The following CERT1 variants were observed in gnomAD, a reference collection of about 807,000 sequenced individuals.
CERT1 encodes the protein ceramide transporter 1.
A neutral mutation model predicts 87.9 loss-of-function variants in CERT1; 31 were observed. That is an observed-to-expected ratio of 0.35 (90% CI 0.27 to 0.48). CERT1 has a LOEUF of 0.48. CERT1 is among the 20% of genes least tolerant of loss of function. CERT1 has a pLI of 0.99. For synonymous variants in CERT1, 289 were observed against 250.9 expected (o/e 1.15, Z -1.44); for missense variants, 487 against 758.0 (o/e 0.64, Z 4.20).
chr5:75,496,778 T>C (rs1035761185), intron 2 of CERT1, among the ~76,000 whole-genome samples: 3 of 152,094 alleles, frequency 2.0e-5, no homozygotes, highest in Non-Finnish European at 4.4e-5. Flanking sequence ...TTACCAGAGG[T>C]TGGGGACACA....
intron 2 of CERT1, among the ~76,000 whole-genome samples, chr5:75,494,846 C>T (rs1057358520): frequency 6.6e-6 from 1 of 152,126 alleles, no homozygotes; most frequent in African/African-American, 2.4e-5. Context: ...GTTTTTAGCC[C>T]CATTTCTTTT....
intron 5 of CERT1, among the ~76,000 whole-genome samples, chr5:75,419,758 T>C (rs916530861): frequency 6.6e-6 from 1 of 152,150 alleles, no homozygotes; most frequent in African/African-American, 2.4e-5. Flanking sequence ...GCCACCCAAA[T>C]ATGTGGAATG....
intron 2 of CERT1, among the ~76,000 whole-genome samples, chr5:75,504,027 T>C (rs1561309929): frequency 6.7e-6 from 1 of 148,346 alleles, no homozygotes; most frequent in Non-Finnish European, 1.5e-5. Context: ...GGAATACTAC[T>C]ACTTAGAGAA....
chr5:75,378,440 T>TA lies in CERT1; in HGVS notation c.*905dup, dbSNP rs1165852209. The TA allele has an allele frequency of 2.0e-5, 3 of 152,136 alleles. No individual in the cohort carries two copies. Among genetic ancestry groups the TA allele is most frequent in the Non-Finnish European group, 2.9e-5 (2 of 68,040 alleles). 9.4% of individuals were successfully genotyped at this position (152,136 alleles called of 1,614,324 possible). On this transcript the variant is annotated 3_prime_UTR_variant, in exon 17 of 17. Transcript: ENST00000643780. ...TGTCTCAACAACACCAAAATAAAGT[T>TA]AAAGATTCTACCTCTTTGCATAAAG...
chr5:75,473,179 G>A (rs1683956635), intron 2 of CERT1, among the ~76,000 whole-genome samples: 1 of 152,094 alleles, frequency 6.6e-6, no homozygotes, highest in Non-Finnish European at 1.5e-5. Flanking sequence ...CTCTTGGGGT[G>A]AAGTGATCCT....
chr5:75,511,173 G>C lies in CERT1; in HGVS notation c.35C>G (p.Ser12Trp), dbSNP rs757060636. 1 of 1,612,400 alleles carries C rather than the reference G, an allele frequency of 6.2e-7. No homozygotes were observed. The highest frequency in any genetic ancestry group is 8.5e-7 in the Non-Finnish European group (1 of 1,179,528). ...SDNQSWNSSGSEEDPETESGP... is the reference protein window; with the variant it reads ...SDNQSWNSSGWEEDPETESGP... ...AGACTCCGTCTCTGGATCCTCCTCC[G>C]AGCCCGACGAGTTCCAGCTCTGATT... The change falls in exon 1 of 17, where the codon TCG becomes TGG. Residue 12 changes from serine to tryptophan, a missense_variant. Coordinates refer to ENST00000643780, the MANE Select transcript of CERT1 (RefSeq NM_001379029.1).
chr5:75,490,530 G>A (rs564834871), intron 2 of CERT1, among the ~76,000 whole-genome samples: 7 of 151,116 alleles, frequency 4.6e-5, no homozygotes, highest in East Asian at 2.0e-4. Flanking sequence ...ACAGAGTCTC[G>A]CTGTGTCGCC....
At chr5:75,425,831 G>A (rs948919207) in intron 4 of CERT1, among the ~76,000 whole-genome samples, 1 of 152,190 alleles carries the variant, frequency 6.6e-6, no homozygotes, top group African/African-American at 2.4e-5. Flanking sequence ...AAATTGTGTG[G>A]AACAACTGTG....
chr5:75,446,145 GGTCT>G (rs1764524351), intron 3 of CERT1, among the ~76,000 whole-genome samples: 1 of 152,086 alleles, frequency 6.6e-6, no homozygotes, highest in South Asian at 2.1e-4. Flanking sequence ...TGTATAGGGA[GGTCT>G]GTCAGATGTG....
chr5:75,373,803 C>A, downstream of CERT1: 1 of 304,956 alleles, frequency 3.3e-6, no homozygotes, highest in Non-Finnish European at 5.9e-6. Flanking sequence ...TTCTTTTGTG[C>A]ACAAAACCTG....
intron 8 of CERT1, chr5:75,410,748 C>A: frequency 1.4e-5 from 3 of 220,338 alleles, no homozygotes; most frequent in East Asian, 1.8e-4. Flanking sequence ...ATCATCTTTA[C>A]AGGGGAGATA....
At position 75,402,960 on chromosome 5, in the gene CERT1, T is replaced by G; in HGVS notation, c.1017+12A>C. On this transcript the variant is annotated intron_variant, in intron 9 of 16. Transcript: ENST00000643780. ...ATAAATTTCAGCTTAGAATTTTCAA[T>G]AATAGATATACCTGTTCTTCTATTT... 1 of 1,536,704 alleles carries G rather than the reference T, an allele frequency of 6.5e-7. No individual in the cohort carries two copies. The highest frequency in any genetic ancestry group is 2.3e-5 in the East Asian group (1 of 44,418).
chr5:75,412,855 A>G (rs1762986701), intron 7 of CERT1, among the ~76,000 whole-genome samples: 1 of 152,212 alleles, frequency 6.6e-6, no homozygotes, highest in Non-Finnish European at 1.5e-5. Flanking sequence ...ACTGCACACC[A>G]CTGTAAACTT....
At chr5:75,449,112 A>G (rs541991528) in intron 3 of CERT1, among the ~76,000 whole-genome samples, 1 of 152,318 alleles carries the variant, frequency 6.6e-6, no homozygotes, top group African/African-American at 2.4e-5. Flanking sequence ...AATAATTAAC[A>G]AATTCATAGT....
rs567270590 is a variant in CERT1 at position 75,410,384 on chromosome 5, C to T, written c.930+627G>A. Among the ~76,000 whole-genome samples the T allele has an allele frequency of 1.6e-4, 25 of 151,922 alleles. No individual in the cohort carries two copies. The South Asian group carries it at 3.9e-3, about 24-fold the overall frequency. ...CAGCACTTTGGGAGGCTGAGGCGGGCGGATCACGAGGTCAGGAGATCGAGA... is the reference window on the plus strand; with the variant it reads ...CAGCACTTTGGGAGGCTGAGGCGGGTGGATCACGAGGTCAGGAGATCGAGA... On this transcript the variant is annotated intron_variant, in intron 8 of 16. Transcript: ENST00000643780.
intron 3 of CERT1, among the ~76,000 whole-genome samples, chr5:75,431,330 T>A (rs1454186876): frequency 6.6e-6 from 1 of 152,244 alleles, no homozygotes; most frequent in Non-Finnish European, 1.5e-5. Flanking sequence ...TTTCTGTTCC[T>A]GTGTTAATTC....
intron 2 of CERT1, among the ~76,000 whole-genome samples, chr5:75,462,703 G>C (rs1418857300): frequency 6.6e-6 from 1 of 152,080 alleles, no homozygotes; most frequent in Non-Finnish European, 1.5e-5. Context: ...ACAACAAAAA[G>C]CCAGGTTTAA....
chr5:75,417,885 G>A (rs142509585), intron 6 of CERT1, among the ~76,000 whole-genome samples: 20 of 152,334 alleles, frequency 1.3e-4, no homozygotes, highest in African/African-American at 4.1e-4. Flanking sequence ...GGCTGGGCGC[G>A]GTGGCTCACG....
intron 11 of CERT1, among the ~76,000 whole-genome samples, chr5:75,394,884 A>G (rs986346743): frequency 4.6e-5 from 7 of 152,240 alleles, no homozygotes; most frequent in African/African-American, 1.4e-4. Context: ...GCACATATGG[A>G]TAAGTACATA....
Sources: allele counts gnomAD v4.1 joint callset (sites outside exome capture counted in the v4.1 genomes callset), GRCh38; gene constraint gnomAD v4.1.1; transcripts MANE v1.5; gene names NCBI Gene and HGNC (gene_info 2026-07-23, HGNC 2026-07-21).